LMF2: variants seen among roughly 807,000 people sequenced by gnomAD.
LMF2 encodes transmembrane protein 112B.
In LMF2, 113 loss-of-function variants were observed where a neutral mutation model predicts 81.5. That is an observed-to-expected ratio of 1.39 (90% confidence interval 1.19 to 1.62). The LOEUF is 1.62. Among genes scored for constraint, LMF2 ranks in the 40% most tolerant of loss-of-function variants. LMF2 has a pLI of 0.00. For synonymous variants in LMF2, 645 were observed against 424.5 expected (o/e 1.52, Z -6.39); for missense variants, 1,235 against 929.1 (o/e 1.33, Z -4.28).
Position 50,503,612 on chromosome 22 carries a change from C to A in LMF2, c.1903G>T (p.Ala635Ser). Residue 635 changes from alanine (A) to serine (S), a missense_variant, in exon 14 of 14, where the codon GCC becomes TCC. Ala to Ser is a moderately conservative substitution (Grantham distance 99, BLOSUM62 1). Coordinates refer to ENST00000474879, the MANE Select transcript of LMF2 (RefSeq NM_033200.3). ...AGGAGCCCCCAGAGCAGGGCGGGGG[C>A]CTCCAGGGGAGACAGCTGAGAGCGA... ...WTRSQLSPLE[A>S]PALLWGLLMA... is the part of the protein sequence containing the mutation. 1 of 1,570,144 alleles carries A rather than the reference C, an allele frequency of 6.4e-7. No individual in the cohort carries two copies. Among genetic ancestry groups the A allele is most frequent in the Non-Finnish European group, 8.6e-7 (1 of 1,160,116 alleles).
Position 50,504,333 on chromosome 22 carries a change from G to A in LMF2, c.1718+7C>T, listed in dbSNP as rs763869613. On this transcript the variant is annotated splice_region_variant and intron_variant, in intron 12 of 13. Coordinates refer to ENST00000474879, the MANE Select transcript of LMF2 (RefSeq NM_033200.3). ...GGCTCCACACCCCACCCGGTGCCCA[G>A]CCTTACCCCTGCTCCCCAGGCTGGG... 1 of 1,606,872 alleles carries A rather than the reference G, an allele frequency of 6.2e-7. No individual in the cohort carries two copies. The highest frequency in any genetic ancestry group is 1.1e-5 in the South Asian group (1 of 90,796).
intron 12 of LMF2, 29 bp from the exon 13 acceptor site, chr22:50,503,933 G>A (rs1173764697): frequency 5.0e-6 from 8 of 1,596,806 alleles, no homozygotes; most frequent in East Asian, 2.2e-5. Flanking sequence ...TTCAGAAGCT[G>A]GAGGCACCCC....
Position 50,503,119 on chromosome 22 carries a change from C to T in LMF2, c.*272G>A. The T allele has an allele frequency of 2.2e-6, 1 of 464,074 alleles. No individual in the cohort carries two copies. Among genetic ancestry groups the T allele is most frequent in the Non-Finnish European group, 3.8e-6 (1 of 262,854 alleles). The allele number at this position is 464,074 out of a possible 1,614,324, so 28.7% of individuals were successfully genotyped here. Reference sequence around the variant, plus strand: ...GCTCTAGACTCAGACCCCCACAGCCCAGGGCAGGGGAAGGGTCTTGAGCTT... The same window carrying T: ...GCTCTAGACTCAGACCCCCACAGCCTAGGGCAGGGGAAGGGTCTTGAGCTT... On this transcript the variant is annotated 3_prime_UTR_variant, in exon 14 of 14. Transcript: ENST00000474879.
rs548760875 is a variant in LMF2 at position 50,505,910 on chromosome 22, A to G, written c.775-95T>C. The G allele has an allele frequency of 8.1e-4, 1,280 of 1,580,584 alleles. 8 individuals are homozygous for G. In the African/African-American group the frequency reaches 0.016, roughly 19 times the overall value. ...CCTGCAGGGTGCATCCCTCTGCTACAAGGCCTTCCCAACAGCGGTTGCCAG... is the reference window on the plus strand; with the variant it reads ...CCTGCAGGGTGCATCCCTCTGCTACGAGGCCTTCCCAACAGCGGTTGCCAG... On this transcript the variant is annotated intron_variant, in intron 5 of 13. Coordinates refer to ENST00000474879, the MANE Select transcript of LMF2 (RefSeq NM_033200.3).
rs765939715 is a variant in LMF2, at chr22:50,503,573, C to T, written c.1942G>A (p.Ala648Thr). ...AGCAGGGCTTGCACAAATCTGACAG[C>T]CCCCACGGCCATGAGGAGCCCCCAG... ...LLWGLLMAVG[A>T]VRFVQALLAP... Residue 648 changes from alanine to threonine, a missense_variant, in exon 14 of 14, where the codon GCT becomes ACT. Coordinates refer to ENST00000474879, the MANE Select transcript of LMF2 (RefSeq NM_033200.3). 79 of 1,538,600 alleles carry T rather than the reference C, an allele frequency of 5.1e-5. 1 individual carries two copies. The highest frequency in any genetic ancestry group is 1.8e-4 in the Middle Eastern group (1 of 5,612).
rs2068573698 is a variant in LMF2 at position 50,506,453 on chromosome 22, G to GC, written c.426dup (p.Leu143AlafsTer94). 6.4e-7 allele frequency: 1 copy of GC among 1,551,178 alleles called. No homozygotes were observed. The highest frequency in any genetic ancestry group is 8.7e-7 in the Non-Finnish European group (1 of 1,149,092). On this transcript the variant is annotated frameshift_variant, in exon 4 of 14. Coordinates refer to ENST00000474879, the MANE Select transcript of LMF2 (RefSeq NM_033200.3). LOFTEE classifies it high-confidence loss of function. The stretch of plus-strand genomic sequence containing the variant: ...TCCTTGCGGTGGGAGGCTGGCCTCA[G>GC]CGGGGCCACCAGCACGGCCAGGAAG...
Position 50,503,656 on chromosome 22 carries a change from G to T in LMF2, c.1859C>A (p.Ala620Asp). ...PRTRSANSTL[A>D]QALHWTRSQL... ...AGAGCGAGTCCAGTGGAGGGCCTGG[G>T]CCAGGGTGCTGTTGGCGCTGCGGGT... Residue 620 changes from alanine to aspartate, a missense_variant, in exon 14 of 14, where the codon GCC becomes GAC. By Grantham distance (126) the Ala-to-Asp change is moderately radical. Coordinates refer to ENST00000474879, the MANE Select transcript of LMF2 (RefSeq NM_033200.3). The T allele has an allele frequency of 7.2e-7, 1 of 1,398,528 alleles. No individual in the cohort carries two copies. 86.6% of individuals were successfully genotyped at this position (1,398,528 alleles called of 1,614,324 possible).
At chr22:50,505,609 G>A (rs972906150) in intron 6 of LMF2, 65 bp downstream of exon 6, 52 of 1,610,994 alleles carry the variant, frequency 3.2e-5, no homozygotes, top group Non-Finnish European at 4.1e-5. Context: ...TAGAGTGGGA[G>A]TCCTGTGGGG....
At position 50,504,366 on chromosome 22, in the gene LMF2, G is replaced by A; in HGVS notation, c.1692C>T (p.Tyr564=). ...CCTGCTCCCCAGGCTGGGAGAACCAGTACTTGTAGCGCTGGGCTCGGACGT... is the reference window on the plus strand; with the variant it reads ...CCTGCTCCCCAGGCTGGGAGAACCAATACTTGTAGCGCTGGGCTCGGACGT... The part of the protein sequence containing the change: ...PTYVRAQRYK[Y]WFSQPGEQGQ... Residue 564 remains tyrosine (Y), a synonymous_variant, in exon 12 of 14, where the codon TAC becomes TAT. Coordinates refer to ENST00000474879, the MANE Select transcript of LMF2 (RefSeq NM_033200.3). The A allele has an allele frequency of 3.1e-6, 5 of 1,611,970 alleles. No individual in the cohort carries two copies. Among genetic ancestry groups the A allele is most frequent in the Non-Finnish European group, 4.2e-6 (5 of 1,179,554 alleles).
intron 1 of LMF2, among the ~76,000 whole-genome samples, 156 bp downstream of exon 1, chr22:50,507,426 C>T (rs891068364): frequency 5.9e-5 from 9 of 152,186 alleles, no homozygotes; most frequent in African/African-American, 2.2e-4. Context: ...TTCCTACCCC[C>T]ACAGCGGCCT....
Position 50,504,674 on chromosome 22 carries a change from C to T in LMF2, c.1491G>A (p.Val497=), listed in dbSNP as rs539593276. 6.2e-7 allele frequency: 1 copy of T among 1,609,172 alleles called. No individual in the cohort carries two copies. Among genetic ancestry groups the T allele is most frequent in the East Asian group, 2.2e-5 (1 of 44,866 alleles). Residue 497 remains valine, a synonymous_variant, in exon 11 of 14, where the codon GTG becomes GTA. Coordinates refer to ENST00000474879, the MANE Select transcript of LMF2 (RefSeq NM_033200.3). ...PGNLSRPPPV[V]VPHQPRLDWQ... The stretch of plus-strand genomic sequence containing the variant: ...AGTCCAGGCGTGGCTGGTGGGGCAC[C>T]ACAACCGGGGGCGGCCGGCTCAGGT...
At position 50,507,362 on chromosome 22, in the gene LMF2, CCCCCA is replaced by C. The variant is rs1433943751; in HGVS notation, c.94+215_94+219del. On this transcript the variant is annotated intron_variant, in intron 1 of 13. Coordinates refer to ENST00000474879, the MANE Select transcript of LMF2 (RefSeq NM_033200.3). The stretch of plus-strand genomic sequence containing the variant: ...TCTCCCACCTCTCTCAGAGTTCTGT[CCCCCA>C]CCCCAGGTCAGAGTCCAGAGCCTTA... 4.5e-4 allele frequency: 273 copies of C among 610,334 alleles called. 3 individuals are homozygous for C. The South Asian group carries it at 5.0e-3, about 11-fold the overall frequency. The allele number at this position is 610,334 out of a possible 1,614,324, so 37.8% of individuals were successfully genotyped here.
rs775678842 is a variant in LMF2, at chr22:50,506,044, G to C, written c.765C>G (p.Phe255Leu). The C allele has an allele frequency of 6.3e-7, 1 of 1,586,208 alleles. No individual in the cohort carries two copies. The highest frequency in any genetic ancestry group is 2.3e-5 in the East Asian group (1 of 43,760). Residue 255 changes from phenylalanine (F) to leucine (L), a missense_variant, in exon 5 of 14, where the codon TTC (phenylalanine) becomes TTG (leucine). Coordinates refer to ENST00000474879, the MANE Select transcript of LMF2 (RefSeq NM_033200.3). ...TGCGGCCCTCACCCACCTGCGAGTA[G>C]AAAGCAGCCAAGCGCAGGCGTCGAA... is the stretch of plus-strand genomic sequence containing the variant. ...APIRRLRLAA[F>L]YSQVLLQVLI...
intron 12 of LMF2, 50 bp downstream of exon 12, chr22:50,504,290 C>A: frequency 1.5e-6 from 2 of 1,318,894 alleles, no homozygotes; most frequent in Non-Finnish European, 1.1e-6. Context: ...CGGTGCCCGG[C>A]CTTACCCCTG....
rs756193591 is a variant in LMF2, at chr22:50,505,388, C to T, written c.1051+15G>A. 4.3e-6 allele frequency: 7 copies of T among 1,613,256 alleles called. No individual in the cohort carries two copies. The highest frequency in any genetic ancestry group is 1.6e-4 in the Middle Eastern group (1 of 6,062). On this transcript the variant is annotated intron_variant, in intron 7 of 13. Coordinates refer to ENST00000474879, the MANE Select transcript of LMF2 (RefSeq NM_033200.3). The stretch of plus-strand genomic sequence containing the variant: ...GTCCGCCCCTGCCCTCTGGCCCCCC[C>T]AGGTCGGCACTCACTGGTTCTGGAG...
chr22:50,506,584 C>T, intron 3 of LMF2, 54 bp downstream of exon 3: 1 of 1,597,732 alleles, frequency 6.3e-7, no homozygotes, highest in Non-Finnish European at 8.5e-7. Flanking sequence ...AGGGCAGAGC[C>T]CTCCCCCACC....
chr22:50,504,495 G>GGCCCCACCCCCCCCCCC, intron 11 of LMF2, 44 bp from the exon 12 acceptor site: 1 of 1,339,596 alleles, frequency 7.5e-7, no homozygotes, highest in Non-Finnish European at 1.0e-6. Context: ...TACCCGCCCT[G>GGCCCCACCCCCCCCCCC]CCCCTCCCCT....
intron 9 of LMF2, 26 bp from the exon 10 acceptor site, chr22:50,505,010 G>T: frequency 3.7e-6 from 6 of 1,611,928 alleles, no homozygotes; most frequent in Non-Finnish European, 5.1e-6. Flanking sequence ...AGGTTCTCAG[G>T]GCTGCCCTGC....
Position 50,505,677 on chromosome 22 carries a change from T to G in LMF2, c.913A>C (p.Thr305Pro). 1.9e-6 allele frequency: 3 copies of G among 1,612,762 alleles called. No homozygotes were observed. The highest frequency in any genetic ancestry group is 8.5e-7 in the Non-Finnish European group (1 of 1,179,862). The change falls in exon 6 of 14, where the codon ACC becomes CCC. Residue 305 changes from threonine (T) to proline (P), a missense_variant. By Grantham distance (38) the Thr-to-Pro change is conservative. Transcript: ENST00000474879. ...PGHGSRKKTA[T>P]SWPKALLATL... ...GGGCTGGACAAGTGACACGCACAGGTGGCCGTCTTCTTGCGGCTGCCGTGG... is the reference window on the plus strand; with the variant it reads ...GGGCTGGACAAGTGACACGCACAGGGGGCCGTCTTCTTGCGGCTGCCGTGG...
Sources: allele counts gnomAD v4.1 joint callset (sites outside exome capture counted in the v4.1 genomes callset), GRCh38; gene constraint gnomAD v4.1.1; transcripts MANE v1.5; gene names NCBI Gene and HGNC (gene_info 2026-07-23, HGNC 2026-07-21).